Variants in MECOM observed in about 807,000 individuals in gnomAD.
MECOM encodes the protein MDS1 and EVI1 complex locus, also known as histone-lysine N-methyltransferase MECOM.
A neutral mutation model predicts 116.3 loss-of-function variants in MECOM; 13 were observed. The ratio of observed to expected loss-of-function variants is 0.11; its 90% CI spans 0.07 to 0.18. The LOEUF is 0.18. MECOM is among the 10% of genes least tolerant of loss of function. MECOM has a pLI of 1.00. For synonymous variants in MECOM, 528 were observed against 535.2 expected (o/e 0.99, Z 0.19); for missense variants, 1,299 against 1,509.0 (o/e 0.86, Z 2.31).
At chr3:169,301,577 G>A (rs78966697) in intron 2 of MECOM, among the ~76,000 whole-genome samples, 124 of 152,284 alleles carry the variant, frequency 8.1e-4, no homozygotes, top group African/African-American at 2.9e-3. Context: ...TAAGGAGGCA[G>A]AATAATGGTT....
At chr3:169,318,440 A>G (rs548516842) in intron 2 of MECOM, among the ~76,000 whole-genome samples, 1 of 152,322 alleles carries the variant, frequency 6.6e-6, no homozygotes, top group Non-Finnish European at 1.5e-5. Context: ...AAACAACCCC[A>G]TCAAAAAGTG....
At chr3:169,544,076 C>T (rs970353260) in intron 1 of MECOM, among the ~76,000 whole-genome samples, 6 of 152,066 alleles carry the variant, frequency 3.9e-5, no homozygotes, top group Admixed American at 2.6e-4. Flanking sequence ...TTAGGAGAGA[C>T]GGGGTTTCAC....
chr3:169,116,577 T>C lies in MECOM; in HGVS notation c.1295A>G (p.His432Arg). Residue 432 changes from histidine (H) to arginine (R), a missense_variant, in exon 8 of 17, where the codon CAT becomes CGT. Physicochemically the swap from His to Arg is conservative, Grantham distance 29. Transcript: ENST00000651503. ...GCCAAAAAATCCACCTGCCGCAAAA[T>C]GGTTCTTGCCCTCACAAAACCTCCT... is the stretch of plus-strand genomic sequence containing the variant. ...KHRRFCEGKNHFAAGGFFGQG... is the reference protein window; with the variant it reads ...KHRRFCEGKNRFAAGGFFGQG... The C allele has an allele frequency of 6.2e-7, 1 of 1,614,152 alleles. No homozygotes were observed. The highest frequency in any genetic ancestry group is 8.5e-7 in the Non-Finnish European group (1 of 1,180,006).
chr3:169,098,145 C>T (rs545935716), intron 12 of MECOM, among the ~76,000 whole-genome samples: 6 of 152,202 alleles, frequency 3.9e-5, no homozygotes, highest in Admixed American at 1.3e-4. Flanking sequence ...TCTTACCTAA[C>T]ATTCATTAAA....
intron 11 of MECOM, 34 bp from the exon 12 acceptor site, chr3:169,100,996 G>A: frequency 1.3e-6 from 2 of 1,509,376 alleles, no homozygotes; most frequent in Non-Finnish European, 1.8e-6. Context: ...GAGAAAGTCA[G>A]CACAGTTGAC....
intron 1 of MECOM, among the ~76,000 whole-genome samples, chr3:169,620,397 G>A (rs750868462): frequency 6.6e-6 from 1 of 152,188 alleles, no homozygotes; most frequent in African/African-American, 2.4e-5. Flanking sequence ...TTGGGATGAA[G>A]CCTGATGAAA....
At chr3:169,587,088 CA>C (rs1307472287) in intron 1 of MECOM, among the ~76,000 whole-genome samples, 2 of 152,076 alleles carry the variant, frequency 1.3e-5, no homozygotes, top group Non-Finnish European at 2.9e-5. Flanking sequence ...ACTTGGACAA[CA>C]AAAAGAGGTT....
At chr3:169,175,206 T>C (rs561891888) in intron 2 of MECOM, among the ~76,000 whole-genome samples, 2 of 152,284 alleles carry the variant, frequency 1.3e-5, no homozygotes, top group South Asian at 4.1e-4. Context: ...GCATCTATTA[T>C]TGCATTTAAG....
At chr3:169,589,079 A>C (rs75064981) in intron 1 of MECOM, among the ~76,000 whole-genome samples, 4,207 of 152,242 alleles carry the variant, frequency 0.028, 217 homozygotes, top group African/African-American at 0.097. Flanking sequence ...AAAATTCAGA[A>C]AGTAAACCCT....
chr3:169,283,596 T>C (rs983700192), intron 2 of MECOM, among the ~76,000 whole-genome samples: 11 of 152,168 alleles, frequency 7.2e-5, no homozygotes, highest in African/African-American at 2.7e-4. Flanking sequence ...AGATCTCATC[T>C]CCAGAATTTC....
At chr3:169,621,708 G>T (rs896349378) in intron 1 of MECOM, among the ~76,000 whole-genome samples, 1 of 152,156 alleles carries the variant, frequency 6.6e-6, no homozygotes, top group African/African-American at 2.4e-5. Flanking sequence ...AGTGAGCTGA[G>T]TTCGTGCCAC....
intron 1 of MECOM, among the ~76,000 whole-genome samples, chr3:169,500,610 T>C (rs886608737): frequency 6.6e-6 from 1 of 152,100 alleles, no homozygotes; most frequent in East Asian, 1.9e-4. Flanking sequence ...TTTCTATTGC[T>C]TTATCAGGCA....
intron 1 of MECOM, among the ~76,000 whole-genome samples, chr3:169,441,670 T>G (rs1476310357): frequency 1.3e-5 from 2 of 151,918 alleles, no homozygotes; most frequent in Admixed American, 6.6e-5. Flanking sequence ...TTTTGGCAGA[T>G]GGGAATATCA....
At chr3:169,230,375 T>C (rs929219478) in intron 2 of MECOM, among the ~76,000 whole-genome samples, 1 of 152,168 alleles carries the variant, frequency 6.6e-6, no homozygotes, top group Non-Finnish European at 1.5e-5. Context: ...TTTCAACTTA[T>C]ACAGCTGACC....
intron 2 of MECOM, chr3:169,145,187 CACAG>C (rs879547201): frequency 0.014 from 953 of 67,986 alleles, 11 homozygotes; most frequent in Middle Eastern, 0.018. Flanking sequence ...CACACACACA[CACAG>C]AGAGAAATCA....
intron 1 of MECOM, among the ~76,000 whole-genome samples, chr3:169,512,820 A>G (rs922632439): frequency 2.6e-5 from 4 of 151,692 alleles, no homozygotes; most frequent in Non-Finnish European, 1.5e-5. Context: ...TTCTTCCTGC[A>G]GGGCCATCTC....
At chr3:169,663,028 C>T (rs1776529154) in intron 1 of MECOM, among the ~76,000 whole-genome samples, 1 of 139,634 alleles carries the variant, frequency 7.2e-6, no homozygotes, top group Admixed American at 7.1e-5. Context: ...CTCTCGCGCT[C>T]TCTCCTCCCT....
intron 2 of MECOM, among the ~76,000 whole-genome samples, chr3:169,379,831 C>G (rs537494764): frequency 6.6e-6 from 1 of 152,090 alleles, no homozygotes; most frequent in African/African-American, 2.4e-5. Flanking sequence ...ACGTAAAGTT[C>G]GTACGCATTT....
intron 2 of MECOM, among the ~76,000 whole-genome samples, chr3:169,204,626 A>G (rs1212605785): frequency 6.6e-6 from 1 of 152,242 alleles, no homozygotes; most frequent in Non-Finnish European, 1.5e-5. Flanking sequence ...TTAAAGATCA[A>G]TATTTAAAAT....
Sources: gnomAD v4.1 joint callset for allele counts (sites outside exome capture counted in the v4.1 genomes callset) on GRCh38, gnomAD v4.1.1 for gene constraint, MANE v1.5 for transcripts, NCBI Gene and HGNC (gene_info 2026-07-23, HGNC 2026-07-21) for gene names.